UPP2: variants seen among roughly 807,000 people sequenced by gnomAD.
The protein encoded by UPP2 is uridine phosphorylase 2.
In UPP2, 23 loss-of-function variants were observed where a neutral mutation model predicts 26.7. That is an observed-to-expected ratio of 0.86 (90% CI 0.62 to 1.22). The LOEUF is 1.22. UPP2 is among the 50% of genes most tolerant of loss of function. The probability of loss-of-function intolerance (pLI) is 0.00; values close to 1 mark genes in which losing one functional copy is unlikely to be tolerated. For missense variants in UPP2, 387 were observed against 396.7 expected (o/e 0.98, Z 0.21); for synonymous variants, 127 against 141.3 (o/e 0.90, Z 0.72).
chr2:158,066,540 T>C (rs1424687682), intron 3 of UPP2, among the ~76,000 whole-genome samples: 1 of 152,180 alleles, frequency 6.6e-6, no homozygotes, highest in African/African-American at 2.4e-5. Context: ...ACATTGAAAG[T>C]AGGGCCTACA....
intron 6 of UPP2, among the ~76,000 whole-genome samples, chr2:158,125,334 C>T (rs1459317505): frequency 6.6e-6 from 1 of 151,968 alleles, no homozygotes; most frequent in African/African-American, 2.4e-5. Context: ...GAACCACTAT[C>T]CTTAACTACT....
intron 3 of UPP2, among the ~76,000 whole-genome samples, chr2:158,050,361 C>G (rs2105170670): frequency 6.6e-6 from 1 of 151,846 alleles, no homozygotes; most frequent in Non-Finnish European, 1.5e-5. Context: ...AACAGTTTGG[C>G]TCCAATGTAT....
chr2:158,101,774 G>A, upstream of UPP2: 3 of 1,068,022 alleles, frequency 2.8e-6, no homozygotes, highest in Non-Finnish European at 3.5e-6. Context: ...CAAAGAGCTA[G>A]GATGCCACAC....
intron 3 of UPP2, among the ~76,000 whole-genome samples, chr2:158,043,961 C>A (rs1684115902): frequency 6.6e-6 from 1 of 152,214 alleles, no homozygotes; most frequent in South Asian, 2.1e-4. Context: ...TTGTGCCCAC[C>A]TCACAGGGGT....
In UPP2 at chr2:158,117,085, T is replaced by C. The variant is rs559297800; in HGVS notation, c.340-739T>C. 4.7e-4 allele frequency among the ~76,000 whole-genome samples: 71 copies of C among 152,198 alleles called. 1 individual carries two copies. The highest frequency in any genetic ancestry group is 1.4e-3 in the Admixed American group (22 of 15,294). On this transcript the variant is annotated intron_variant, in intron 3 of 6. Transcript: ENST00000005756. ...GTCAGGAATTAAGTTACTACCAGTT[T>C]TGAAATCAGTTCCAGTTTCTGCAAA...
At chr2:158,024,795 A>G (rs34454142) in intron 3 of UPP2, among the ~76,000 whole-genome samples, 15,915 of 152,222 alleles carry the variant, frequency 0.1, 938 homozygotes, top group African/African-American at 0.16. Flanking sequence ...AGTGTTTTTT[A>G]AAGCATTCTG....
At chr2:158,095,524 A>G (rs13401601) in intron 3 of UPP2, among the ~76,000 whole-genome samples, 4,081 of 152,234 alleles carry the variant, frequency 0.027, 185 homozygotes, top group African/African-American at 0.09. Flanking sequence ...TACCAGAAGC[A>G]GAGTAGAAAG....
At chr2:158,127,509 AT>A (rs1377404832) in intron 6 of UPP2, among the ~76,000 whole-genome samples, 4 of 152,144 alleles carry the variant, frequency 2.6e-5, no homozygotes, top group African/African-American at 9.7e-5. Context: ...GAAAATGGCC[AT>A]TGCAAACTTT....
At chr2:158,107,300 C>T (rs1046550675) in intron 2 of UPP2, among the ~76,000 whole-genome samples, 6 of 152,184 alleles carry the variant, frequency 3.9e-5, no homozygotes, top group African/African-American at 9.7e-5. Context: ...AAAATAAAAG[C>T]GTCACATCTA....
intron 3 of UPP2, among the ~76,000 whole-genome samples, chr2:158,062,571 A>G (rs911424452): frequency 2.0e-5 from 3 of 152,198 alleles, no homozygotes; most frequent in Non-Finnish European, 4.4e-5. Flanking sequence ...AATGTCCAGC[A>G]CTATCTACCC....
At chr2:158,033,318 C>A (rs186670046) in intron 3 of UPP2, among the ~76,000 whole-genome samples, 5 of 152,208 alleles carry the variant, frequency 3.3e-5, no homozygotes, top group African/African-American at 9.6e-5. Context: ...AGAGCCCTGG[C>A]GGCAAAAAGG....
intron 3 of UPP2, among the ~76,000 whole-genome samples, chr2:158,067,427 C>T (rs915937806): frequency 1.3e-5 from 2 of 150,034 alleles, no homozygotes; most frequent in Non-Finnish European, 3.0e-5. Context: ...TCTTCCCTAT[C>T]AGGAGTGAAG....
rs181255991 is a variant in UPP2 at position 158,132,826 on chromosome 2, C to T, written c.812-1922C>T. 2.6e-3 allele frequency among the ~76,000 whole-genome samples: 399 copies of T among 152,204 alleles called. 4 individuals are homozygous for T. Among genetic ancestry groups the T allele is most frequent in the Middle Eastern group, 0.014 (4 of 294 alleles). On this transcript the variant is annotated intron_variant, in intron 6 of 6. Transcript: ENST00000005756. ...GCAAATTAAAACAATGGCGAGGTGT[C>T]GCTTCACACCTGCTAGAATGGCCAT...
rs1474409032 is a variant in UPP2, at chr2:158,135,157, T to C, written c.*267T>C. ...ACTCCTGGATTATGACATTTGGAGTTTCATATGCAGCATTAATTAAGCTCA... is the reference window on the plus strand; with the variant it reads ...ACTCCTGGATTATGACATTTGGAGTCTCATATGCAGCATTAATTAAGCTCA... On this transcript the variant is annotated 3_prime_UTR_variant, in exon 7 of 7. Transcript: ENST00000005756. 6 of 297,354 alleles carry C rather than the reference T, an allele frequency of 2.0e-5. No homozygotes were observed. The highest frequency in any genetic ancestry group is 3.7e-5 in the Non-Finnish European group (6 of 163,358). The allele number at this position is 297,354 out of a possible 1,614,324, so 18.4% of individuals were successfully genotyped here. A position where few individuals can be genotyped will look rare whatever the true frequency, so the allele number is the denominator to read the frequency against.
chr2:158,012,414 C>T (rs1364604234), intron 2 of UPP2, among the ~76,000 whole-genome samples: 1 of 151,780 alleles, frequency 6.6e-6, no homozygotes, highest in Non-Finnish European at 1.5e-5. Flanking sequence ...ATTACAGGCA[C>T]GTGCCACCAC....
rs116835909 is a variant in UPP2 at position 158,079,290 on chromosome 2, A to T, written c.148-22750A>T. Among the ~76,000 whole-genome samples the T allele has an allele frequency of 4.5e-3, 688 of 152,066 alleles. 2 individuals are homozygous for T. Among genetic ancestry groups the T allele is most frequent in the African/African-American group, 0.015 (618 of 41,504 alleles). On this transcript the variant is annotated intron_variant, in intron 3 of 9. Transcript: ENST00000605860. ...TATGTACTCACAAAAATTAAAAATA[A>T]TTTTTTTTAAAAAAAGGAAAAAGCC... is the stretch of plus-strand genomic sequence containing the variant.
chr2:158,049,323 G>A (rs1186373245), intron 3 of UPP2, among the ~76,000 whole-genome samples: 5 of 152,192 alleles, frequency 3.3e-5, no homozygotes, highest in Non-Finnish European at 5.9e-5. Flanking sequence ...TCAGTGGCAT[G>A]CTCAAAACCA....
chr2:158,113,674 C>A (rs1683364525), intron 2 of UPP2, among the ~76,000 whole-genome samples: 1 of 152,162 alleles, frequency 6.6e-6, no homozygotes, highest in Non-Finnish European at 1.5e-5. Context: ...TAGAGTAAAT[C>A]ATTTGTGAAT....
chr2:158,057,768 T>G (rs1682271383), intron 3 of UPP2, among the ~76,000 whole-genome samples: 1 of 152,032 alleles, frequency 6.6e-6, no homozygotes, highest in Non-Finnish European at 1.5e-5. Flanking sequence ...TTTTTTGTTG[T>G]TCCAGGATGC....
Sources: allele counts gnomAD v4.1 joint callset (sites outside exome capture counted in the v4.1 genomes callset), GRCh38; gene constraint gnomAD v4.1.1; transcripts MANE v1.5; gene names NCBI Gene and HGNC (gene_info 2026-07-23, HGNC 2026-07-21).